Variants in PTH2R observed in about 807,000 individuals in gnomAD.
PTH2R encodes the protein PTH2 receptor.
In PTH2R, 59 loss-of-function variants were observed where a neutral mutation model predicts 60.3. That is an observed-to-expected ratio of 0.98 (90% CI 0.79 to 1.22). The LOEUF is 1.22. Among genes scored for constraint, PTH2R ranks in the 50% most tolerant of loss-of-function variants. The pLI is 0.00. For missense variants in PTH2R, 749 were observed against 682.6 expected (o/e 1.10, Z -1.08); for synonymous variants, 256 against 243.8 (o/e 1.05, Z -0.47).
At position 208,489,021 on chromosome 2, in the gene PTH2R, C is replaced by G. The variant is rs1236275999; in HGVS notation, c.1086C>G (p.Ala362=). Residue 362 remains alanine (A), a synonymous_variant, in exon 11 of 13, where the codon GCC becomes GCG. Coordinates refer to ENST00000272847, the MANE Select transcript of PTH2R (RefSeq NM_005048.4). ...TGCTGTTCTCCTTTAGGAAACTGGCCAAATCGACACTGGTCCTGGTCCTAG... is the reference window on the plus strand; with the variant it reads ...TGCTGTTCTCCTTTAGGAAACTGGCGAAATCGACACTGGTCCTGGTCCTAG... ...HDTRKQYRKL[A]KSTLVLVLVF... is the part of the protein sequence containing the mutation. The G allele has an allele frequency of 6.2e-7, 1 of 1,613,904 alleles. No homozygotes were observed. Among genetic ancestry groups the G allele is most frequent in the East Asian group, 2.2e-5 (1 of 44,870 alleles).
chr2:208,486,974 T>C (rs1394895902), intron 10 of PTH2R, among the ~76,000 whole-genome samples: 2 of 152,104 alleles, frequency 1.3e-5, no homozygotes, highest in Non-Finnish European at 2.9e-5. Context: ...GATGAGTGGG[T>C]GGAGCAGATG....
In PTH2R at chr2:208,396,498, T is replaced by C. The variant is rs563062779; in HGVS notation, c.-258-31703T>C. On this transcript the variant is annotated intron_variant, in intron 1 of 12. Transcript: ENST00000617735. The stretch of plus-strand genomic sequence containing the variant: ...CAACCCCATCAAAAAGTGGGAAGTA[T>C]ATGAACAGACACTTCTCAAAATAAG... 2.6e-5 allele frequency among the ~76,000 whole-genome samples: 4 copies of C among 152,192 alleles called. No homozygotes were observed. In the South Asian group the frequency reaches 8.3e-4, roughly 32 times the overall value.
chr2:208,468,788 C>G (rs1232359004), intron 9 of PTH2R, among the ~76,000 whole-genome samples: 1 of 152,132 alleles, frequency 6.6e-6, no homozygotes, highest in Non-Finnish European at 1.5e-5. Context: ...TGTTGAATGT[C>G]CATCTTTTTC....
intron 2 of PTH2R, among the ~76,000 whole-genome samples, chr2:208,436,351 T>C (rs1490158526): frequency 3.3e-5 from 5 of 152,166 alleles, no homozygotes; most frequent in Non-Finnish European, 7.3e-5. Context: ...TATAAAAACT[T>C]ATGTTTTGAT....
intron 1 of PTH2R, among the ~76,000 whole-genome samples, chr2:208,426,005 G>A (rs1346535159): frequency 6.6e-6 from 1 of 151,998 alleles, no homozygotes; most frequent in Non-Finnish European, 1.5e-5. Flanking sequence ...GAGGAATTGG[G>A]GAAAGCACAT....
At chr2:208,399,031 T>G (rs768047310) in intron 1 of PTH2R, among the ~76,000 whole-genome samples, 3 of 152,228 alleles carry the variant, frequency 2.0e-5, no homozygotes, top group Non-Finnish European at 4.4e-5. Flanking sequence ...GAGACATCGT[T>G]CAAACAAAGG....
intron 1 of PTH2R, among the ~76,000 whole-genome samples, chr2:208,396,089 G>A (rs1701203222): frequency 6.6e-6 from 1 of 152,166 alleles, no homozygotes; most frequent in African/African-American, 2.4e-5. Flanking sequence ...AAATGGTGCT[G>A]GGAAAACTGG....
rs778887633 is a variant in PTH2R, at chr2:208,452,508, C to T, written c.914+1699C>T. Among the ~76,000 whole-genome samples, 6 of 151,986 alleles carry T rather than the reference C, an allele frequency of 3.9e-5. No homozygotes were observed. In the East Asian group the frequency reaches 5.8e-4, roughly 15 times the overall value. ...GCTTATAATATTTTGATTTTTATCCCGTCAAGTTGATGGAACCCTGGTTCT... is the reference window on the plus strand; with the variant it reads ...GCTTATAATATTTTGATTTTTATCCTGTCAAGTTGATGGAACCCTGGTTCT... On this transcript the variant is annotated intron_variant, in intron 8 of 12. Transcript: ENST00000272847.
chr2:208,490,531 G>A, intron 11 of PTH2R, 108 bp from the exon 12 acceptor site: 1 of 927,716 alleles, frequency 1.1e-6, no homozygotes, highest in Non-Finnish European at 1.7e-6. Context: ...ATAATTCTCT[G>A]AAGGAATCAT....
At chr2:208,400,525 A>AT (rs1219485920) in intron 1 of PTH2R, among the ~76,000 whole-genome samples, 1 of 152,182 alleles carries the variant, frequency 6.6e-6, no homozygotes, top group African/African-American at 2.4e-5. Flanking sequence ...CCTAGTAAAA[A>AT]TAGCAACATC....
chr2:208,394,614 T>G (rs1182127759), intron 1 of PTH2R, among the ~76,000 whole-genome samples: 1 of 152,138 alleles, frequency 6.6e-6, no homozygotes, highest in African/African-American at 2.4e-5. Flanking sequence ...CCTTTTGACC[T>G]CCTAGACTTG....
intron 9 of PTH2R, 68 bp from the exon 10 acceptor site, chr2:208,481,002 T>A: frequency 8.5e-7 from 1 of 1,174,336 alleles, no homozygotes; most frequent in South Asian, 1.4e-5. Flanking sequence ...AAATTTCAAT[T>A]TATGTAAATG....
chr2:208,434,141 C>A (rs935484413), intron 2 of PTH2R, among the ~76,000 whole-genome samples: 2 of 152,044 alleles, frequency 1.3e-5, no homozygotes, highest in African/African-American at 4.8e-5. Flanking sequence ...TGGTGAAACC[C>A]TATCTCTACT....
chr2:208,447,468 G>T (rs1325019445), intron 7 of PTH2R, among the ~76,000 whole-genome samples: 2 of 151,716 alleles, frequency 1.3e-5, no homozygotes, highest in East Asian at 3.9e-4. Context: ...GGCGCCTGTA[G>T]TCCCAGCTAC....
intron 1 of PTH2R, among the ~76,000 whole-genome samples, chr2:208,419,705 G>A (rs13019849): frequency 1.2e-3 from 176 of 152,248 alleles, no homozygotes; most frequent in Non-Finnish European, 2.0e-3. Context: ...TTTGTATAAG[G>A]TGTAAGGAAG....
At position 208,428,205 on chromosome 2, in the gene PTH2R, A is replaced by T; in HGVS notation, c.80A>T (p.Asp27Val). The T allele has an allele frequency of 1.2e-6, 2 of 1,610,032 alleles. No homozygotes were observed. The highest frequency in any genetic ancestry group is 1.7e-6 in the Non-Finnish European group (2 of 1,176,950). ...GSCLLARAQL[D>V]SDGTITIEEQ... The stretch of plus-strand genomic sequence containing the variant: ...GTATTTTGTTCACTTCTACAGCTGG[A>T]TTCTGATGGCACCATTACTATAGAG... Residue 27 changes from aspartate to valine, a missense_variant, in exon 2 of 13, where the codon GAT becomes GTT. Coordinates refer to ENST00000272847, the MANE Select transcript of PTH2R (RefSeq NM_005048.4).
chr2:208,419,533 T>A (rs993643596), intron 1 of PTH2R, among the ~76,000 whole-genome samples: 5 of 152,234 alleles, frequency 3.3e-5, no homozygotes, highest in Non-Finnish European at 7.3e-5. Context: ...TTTAATTAGA[T>A]CCCATTTGTC....
At chr2:208,452,147 T>G (rs1252598794) in intron 8 of PTH2R, among the ~76,000 whole-genome samples, 2 of 152,250 alleles carry the variant, frequency 1.3e-5, no homozygotes, top group East Asian at 1.9e-4. Flanking sequence ...CAGGTACAGG[T>G]GTCTTATAGG....
chr2:208,488,174 T>C (rs981666271), intron 10 of PTH2R, among the ~76,000 whole-genome samples: 1 of 152,160 alleles, frequency 6.6e-6, no homozygotes, highest in Non-Finnish European at 1.5e-5. Context: ...ACTACTTAGT[T>C]TGCCAAAAAG....
Sources: gnomAD v4.1 joint callset for allele counts (sites outside exome capture counted in the v4.1 genomes callset) on GRCh38, gnomAD v4.1.1 for gene constraint, MANE v1.5 for transcripts, NCBI Gene and HGNC (gene_info 2026-07-23, HGNC 2026-07-21) for gene names.